GXYLT2: variants seen among roughly 807,000 people sequenced by gnomAD.
GXYLT2 encodes the protein glucoside xylosyltransferase 2.
In GXYLT2, 53 loss-of-function variants were observed where a neutral mutation model predicts 45.8. The ratio of observed to expected loss-of-function variants is 1.16; its 90% CI spans 0.93 to 1.46. The LOEUF (loss-of-function observed/expected upper bound fraction) is 1.46. Ranked by LOEUF, GXYLT2 falls within the 40% of genes most tolerant of loss-of-function variation. The probability of loss-of-function intolerance (pLI) is 0.00; values close to 1 mark genes in which losing one functional copy is unlikely to be tolerated. For synonymous variants in GXYLT2, 219 were observed against 214.2 expected (o/e 1.02, Z -0.19); for missense variants, 551 against 544.4 (o/e 1.01, Z -0.12).
chr3:72,913,971 G>A (rs1337556958), intron 2 of GXYLT2, among the ~76,000 whole-genome samples: 1 of 152,016 alleles, frequency 6.6e-6, no homozygotes, highest in African/African-American at 2.4e-5. Flanking sequence ...ACTTTGTTAG[G>A]TCTAAAGAAA....
intron 3 of GXYLT2, among the ~76,000 whole-genome samples, chr3:72,938,627 G>T (rs1444175861): frequency 6.6e-6 from 1 of 152,086 alleles, no homozygotes; most frequent in Non-Finnish European, 1.5e-5. Flanking sequence ...TTGCTGGCTG[G>T]GATTGCAACA....
chr3:72,930,185 A>G (rs900875622), intron 3 of GXYLT2, among the ~76,000 whole-genome samples: 2 of 150,062 alleles, frequency 1.3e-5, no homozygotes, highest in Non-Finnish European at 3.0e-5. Flanking sequence ...AAAAAAAAAA[A>G]CAGAGTTGCA....
intron 5 of GXYLT2, among the ~76,000 whole-genome samples, chr3:72,960,076 G>T (rs1473661429): frequency 1.3e-5 from 2 of 152,206 alleles, no homozygotes; most frequent in Non-Finnish European, 2.9e-5. Flanking sequence ...CTCCCGAGCA[G>T]CTGGGATTAC....
chr3:72,922,741 A>G (rs1709853102), intron 3 of GXYLT2, among the ~76,000 whole-genome samples: 1 of 152,210 alleles, frequency 6.6e-6, no homozygotes, highest in Non-Finnish European at 1.5e-5. Context: ...TGGCCATACT[A>G]GGCTATCATT....
chr3:72,947,054 A>G (rs778841351), intron 3 of GXYLT2, among the ~76,000 whole-genome samples: 2 of 151,962 alleles, frequency 1.3e-5, no homozygotes, highest in East Asian at 1.9e-4. Context: ...GCCTTACTAC[A>G]TGGCCCAGGC....
intron 1 of GXYLT2, among the ~76,000 whole-genome samples, chr3:72,894,526 G>C (rs1192477081): frequency 6.6e-6 from 1 of 152,184 alleles, no homozygotes; most frequent in East Asian, 1.9e-4. Flanking sequence ...AGACTATATG[G>C]TAAATGTACC....
At chr3:72,902,773 G>T (rs940476098) in intron 1 of GXYLT2, among the ~76,000 whole-genome samples, 1 of 152,048 alleles carries the variant, frequency 6.6e-6, no homozygotes, top group South Asian at 2.1e-4. Context: ...CCAGCACTTT[G>T]GGAGGCCAAG....
intron 3 of GXYLT2, 64 bp downstream of exon 3, chr3:72,922,399 ATG>A: frequency 1.3e-6 from 2 of 1,516,054 alleles, no homozygotes; most frequent in South Asian, 1.2e-5. Flanking sequence ...ATTAGCTGAG[ATG>A]TGTGTAGAAA....
At chr3:72,889,901 T>G (rs1180079455) in intron 1 of GXYLT2, among the ~76,000 whole-genome samples, 3 of 137,550 alleles carry the variant, frequency 2.2e-5, no homozygotes, top group Non-Finnish European at 4.7e-5. Flanking sequence ...TTTTGGTTTT[T>G]TTTTTGTTTT....
chr3:72,959,213 G>C (rs1710720121), intron 5 of GXYLT2, among the ~76,000 whole-genome samples: 1 of 146,180 alleles, frequency 6.8e-6, no homozygotes, highest in Non-Finnish European at 1.5e-5. Context: ...TGCCTCCCAG[G>C]TTTGAGCAAT....
At chr3:72,898,626 C>T (rs148358102) in intron 1 of GXYLT2, among the ~76,000 whole-genome samples, 1 of 152,174 alleles carries the variant, frequency 6.6e-6, no homozygotes, top group African/African-American at 2.4e-5. Context: ...TTGTGGAGAT[C>T]GTTCCCTGCA....
At chr3:72,933,768 G>A (rs1014954351) in intron 3 of GXYLT2, among the ~76,000 whole-genome samples, 15 of 152,126 alleles carry the variant, frequency 9.9e-5, no homozygotes, top group African/African-American at 3.6e-4. Flanking sequence ...GGGTGTGGTG[G>A]CACAGGTCTG....
At chr3:72,892,894 A>T (rs1255620697) in intron 1 of GXYLT2, among the ~76,000 whole-genome samples, 1 of 151,962 alleles carries the variant, frequency 6.6e-6, no homozygotes, top group Non-Finnish European at 1.5e-5. Context: ...CACCCTCCAC[A>T]CCTACTCAGT....
Position 72,967,423 on chromosome 3 carries a change from T to C in GXYLT2, c.977-124T>C, listed in dbSNP as rs922826063. 3 of 684,322 alleles carry C rather than the reference T, an allele frequency of 4.4e-6. No individual in the cohort carries two copies. The African/African-American group carries it at 5.5e-5, about 12-fold the overall frequency. The allele number at this position is 684,322 out of a possible 1,614,324, so 42.4% of individuals were successfully genotyped here. ...CAAAATTTGATCTATGAGTAAAAAATCACACTCCTGTACTTTGAAATTACA... is the reference window on the plus strand; with the variant it reads ...CAAAATTTGATCTATGAGTAAAAAACCACACTCCTGTACTTTGAAATTACA... On this transcript the variant is annotated intron_variant, in intron 5 of 6. Coordinates refer to ENST00000389617, the MANE Select transcript of GXYLT2 (RefSeq NM_001080393.2).
At chr3:72,912,074 G>A (rs1575784241) in intron 2 of GXYLT2, among the ~76,000 whole-genome samples, 1 of 146,282 alleles carries the variant, frequency 6.8e-6, no homozygotes, top group East Asian at 2.0e-4. Flanking sequence ...GCAGTGGCAT[G>A]ATCTTAGCTC....
chr3:72,936,567 G>C (rs1710184132), intron 3 of GXYLT2, among the ~76,000 whole-genome samples: 1 of 152,088 alleles, frequency 6.6e-6, no homozygotes, highest in African/African-American at 2.4e-5. Flanking sequence ...CTGAACCCAG[G>C]AGGCAGAAGA....
intron 3 of GXYLT2, among the ~76,000 whole-genome samples, chr3:72,931,414 A>G (rs867843163): frequency 6.1e-4 from 93 of 152,006 alleles, no homozygotes; most frequent in African/African-American, 2.2e-3. Context: ...TATTTTTAGT[A>G]GAGACGGGGT....
chr3:72,969,923 A>AAAAAC (rs1710954393), intron 6 of GXYLT2, among the ~76,000 whole-genome samples: 3 of 149,008 alleles, frequency 2.0e-5, no homozygotes, highest in East Asian at 2.0e-4. Flanking sequence ...AAAAAAAAAC[A>AAAAAC]AAAACATTTA....
chr3:72,953,751 G>A (rs569289349), intron 3 of GXYLT2, among the ~76,000 whole-genome samples: 2 of 152,238 alleles, frequency 1.3e-5, no homozygotes, highest in East Asian at 3.9e-4. Context: ...CACAAACAAA[G>A]CTAGCCAATG....
Sources: allele counts gnomAD v4.1 joint callset (sites outside exome capture counted in the v4.1 genomes callset), GRCh38; gene constraint gnomAD v4.1.1; transcripts MANE v1.5; gene names NCBI Gene and HGNC (gene_info 2026-07-23, HGNC 2026-07-21).